GLIS3: variants seen among roughly 807,000 people sequenced by gnomAD.
GLIS3 encodes GLIS family zinc finger 3.
Under a neutral mutation model 78.6 loss-of-function variants are expected in GLIS3, and 53 were observed. That is an observed-to-expected ratio of 0.67 (90% CI 0.54 to 0.85). GLIS3 has a LOEUF of 0.85. Ranked by LOEUF, GLIS3 falls within the 40% of genes least tolerant of loss-of-function variation. The pLI, the probability that GLIS3 is intolerant of heterozygous loss-of-function variation, is 0.00. For missense variants in GLIS3, 1,703 were observed against 1,231.1 expected (o/e 1.38, Z -5.74); for synonymous variants, 684 against 509.9 (o/e 1.34, Z -4.60).
In GLIS3 at chr9:4,250,773, A is replaced by C. The variant is rs145097167; in HGVS notation, c.388+35265T>G. 4.5e-4 allele frequency among the ~76,000 whole-genome samples: 69 copies of C among 152,312 alleles called. 3 individuals carry two copies. The East Asian group carries it at 0.013, about 29-fold the overall frequency. ...TGGTGCTATAAATTTCCCTCTAAAC[A>C]CTGCTTTAGCTGTGTCCCAGAGATT... On this transcript the variant is annotated intron_variant, in intron 2 of 10. Coordinates refer to ENST00000381971, the MANE Select transcript of GLIS3 (RefSeq NM_001042413.2).
intron 2 of GLIS3, among the ~76,000 whole-genome samples, chr9:4,259,123 C>G (rs1184080576): frequency 1.3e-5 from 2 of 152,158 alleles, no homozygotes; most frequent in African/African-American, 4.8e-5. Context: ...TGGATCTTAT[C>G]TCTTTGTTGC....
intron 2 of GLIS3, among the ~76,000 whole-genome samples, chr9:4,317,259 C>T (rs1817449875): frequency 6.6e-6 from 1 of 152,182 alleles, no homozygotes; most frequent in South Asian, 2.1e-4. Flanking sequence ...ACCCAAGCTG[C>T]CATCATCAAT....
intron 1 of GLIS3, among the ~76,000 whole-genome samples, chr9:4,292,677 T>C (rs1313329176): frequency 1.3e-5 from 2 of 152,186 alleles, no homozygotes; most frequent in Non-Finnish European, 2.9e-5. Context: ...GCTCAATAAG[T>C]AATAACTGAT....
chr9:4,375,901 G>A, the GLIS3 span, among the ~76,000 whole-genome samples: 3 of 152,110 alleles, frequency 2.0e-5, no homozygotes, highest in Non-Finnish European at 4.4e-5. Context: ...ACAAGAGCAG[G>A]CATTAGAATA....
intron 4 of GLIS3, among the ~76,000 whole-genome samples, chr9:4,099,456 TGC>T (rs1393874276): frequency 3.9e-5 from 5 of 127,096 alleles, no homozygotes; most frequent in Non-Finnish European, 8.5e-5. Context: ...CTTCCCCCAA[TGC>T]ACACATGTCT....
chr9:4,160,164 C>A (rs1835364381), intron 2 of GLIS3, among the ~76,000 whole-genome samples: 1 of 152,194 alleles, frequency 6.6e-6, no homozygotes, highest in Non-Finnish European at 1.5e-5. Context: ...TCTATTTTGC[C>A]TCCGCTATTT....
In GLIS3 at chr9:4,118,087, G is replaced by C. The variant is rs1417317005; in HGVS notation, c.1391C>G (p.Ala464Gly). Residue 464 changes from alanine to glycine, a missense_variant, in exon 4 of 11, where the codon GCC becomes GGC. Ala to Gly is a moderately conservative substitution (Grantham distance 60). Transcript: ENST00000381971. The surrounding 1 kb of genome is among the most constrained non-coding windows in gnomAD (Gnocchi z 4.7). ...CTCCGGGTGGTGAAGGTGCGCATGG[G>C]CATGGTAAGGGGGTGGGGGGCCTGG... ...PPPGPPPPYH[A>G]HAHLHHPELG... The C allele has an allele frequency of 6.4e-7, 1 of 1,561,526 alleles. No individual in the cohort carries two copies. The highest frequency in any genetic ancestry group is 8.7e-7 in the Non-Finnish European group (1 of 1,152,230).
chr9:4,193,965 C>T (rs775660979), intron 2 of GLIS3, among the ~76,000 whole-genome samples: 3 of 152,298 alleles, frequency 2.0e-5, no homozygotes, highest in East Asian at 1.9e-4. Flanking sequence ...CTGGCAGTAA[C>T]GGCAACATCT....
chr9:4,214,481 A>G (rs1423133075), intron 2 of GLIS3, among the ~76,000 whole-genome samples: 4 of 152,158 alleles, frequency 2.6e-5, no homozygotes, highest in African/African-American at 9.7e-5. Context: ...GAATCTCCCT[A>G]ACTGCCAGGG....
At chr9:3,992,612 T>C (rs1292999884) in intron 4 of GLIS3, among the ~76,000 whole-genome samples, 1 of 152,228 alleles carries the variant, frequency 6.6e-6, no homozygotes, top group Non-Finnish European at 1.5e-5. Flanking sequence ...GAGTAAACAG[T>C]ATTAAAGCTG....
At chr9:4,254,093 T>A (rs567872165) in intron 2 of GLIS3, among the ~76,000 whole-genome samples, 3 of 152,340 alleles carry the variant, frequency 2.0e-5, no homozygotes, top group Admixed American at 1.3e-4. Context: ...TGATGACTGG[T>A]TAACCAGACA....
chr9:4,470,383 G>A, the GLIS3 span, among the ~76,000 whole-genome samples: 1 of 152,288 alleles, frequency 6.6e-6, no homozygotes, highest in Non-Finnish European at 1.5e-5. Context: ...AAATCCAGCA[G>A]CACATCAAAA....
intron 4 of GLIS3, among the ~76,000 whole-genome samples, chr9:3,971,870 C>T (rs1274820065): frequency 6.6e-6 from 1 of 152,154 alleles, no homozygotes; most frequent in African/African-American, 2.4e-5. Flanking sequence ...ACCCATCTCA[C>T]TCCAGGTCAG....
At chr9:4,223,946 T>G (rs1014433148) in intron 2 of GLIS3, among the ~76,000 whole-genome samples, 1 of 150,388 alleles carries the variant, frequency 6.6e-6, no homozygotes, top group Non-Finnish European at 1.5e-5. Context: ...AAATAAACAA[T>G]ACGGGGAAAA....
At chr9:3,924,964 T>G (rs1825124917) in intron 6 of GLIS3, among the ~76,000 whole-genome samples, 1 of 152,190 alleles carries the variant, frequency 6.6e-6, no homozygotes, top group East Asian at 1.9e-4. Flanking sequence ...GTAGCTGTGC[T>G]AGGCACTGTA....
At chr9:4,418,420 CT>C in the GLIS3 span, among the ~76,000 whole-genome samples, 1 of 152,186 alleles carries the variant, frequency 6.6e-6, no homozygotes, top group East Asian at 1.9e-4. Context: ...TGTAAAACCT[CT>C]GAACTAAGTA....
At chr9:3,953,975 C>T (rs1039150427) in intron 4 of GLIS3, among the ~76,000 whole-genome samples, 4 of 152,116 alleles carry the variant, frequency 2.6e-5, no homozygotes, top group South Asian at 2.1e-4. Context: ...CACAATACCA[C>T]GTTTTTTTCC....
At chr9:4,299,062 G>A (rs764805530) in intron 1 of GLIS3, among the ~76,000 whole-genome samples, 3 of 152,108 alleles carry the variant, frequency 2.0e-5, no homozygotes, top group Admixed American at 6.5e-5. Flanking sequence ...TGCCCTGATT[G>A]TGTACCCCTC....
chr9:4,421,897 T>C, the GLIS3 span, among the ~76,000 whole-genome samples: 6 of 152,212 alleles, frequency 3.9e-5, no homozygotes, highest in Non-Finnish European at 8.8e-5. Flanking sequence ...CAGGGAGTCA[T>C]TAAACATGAG....
Sources: allele counts gnomAD v4.1 joint callset (sites outside exome capture counted in the v4.1 genomes callset), GRCh38; gene constraint gnomAD v4.1.1; non-coding constraint Gnocchi (gnomAD v3.1); transcripts MANE v1.5; gene names NCBI Gene and HGNC (gene_info 2026-07-23, HGNC 2026-07-21).